Variants in GIGYF2 observed in about 807,000 individuals in gnomAD.
The protein encoded by GIGYF2 is GRB10 interacting GYF protein 2.
Under a neutral mutation model 208.1 loss-of-function variants are expected in GIGYF2, and 25 were observed. The observed-to-expected ratio is 0.12, with a 90% CI of 0.09 to 0.17. GIGYF2 has a LOEUF of 0.17. Among genes scored for constraint, GIGYF2 ranks in the 10% least tolerant of loss-of-function variants. GIGYF2 has a pLI of 1.00. For missense variants in GIGYF2, 1,302 were observed against 1,579.4 expected (o/e 0.82, Z 2.98); for synonymous variants, 534 against 543.8 (o/e 0.98, Z 0.25).
At chr2:232,827,397 C>T (rs1701284908) in intron 21 of GIGYF2, among the ~76,000 whole-genome samples, 1 of 152,170 alleles carries the variant, frequency 6.6e-6, no homozygotes, top group South Asian at 2.1e-4. Flanking sequence ...ACCGTTGAGA[C>T]CATCAGAGCC....
intron 19 of GIGYF2, chr2:232,815,939 A>G (rs1201726382): frequency 5.3e-6 from 3 of 564,724 alleles, no homozygotes; most frequent in African/African-American, 3.8e-5. Flanking sequence ...TTAAATTACT[A>G]TGTTTGGTTT....
At chr2:232,841,062 CTTTA>C (rs917041190) in intron 23 of GIGYF2, among the ~76,000 whole-genome samples, 4 of 149,358 alleles carry the variant, frequency 2.7e-5, no homozygotes, top group African/African-American at 5.0e-5. Context: ...TATTTCCCAC[CTTTA>C]TTTAAGAAAA....
Position 232,819,861 on chromosome 2 carries a change from T to C in GIGYF2, c.2405T>C (p.Ile802Thr). 1 of 1,558,778 alleles carries C rather than the reference T, an allele frequency of 6.4e-7. No individual in the cohort carries two copies. The highest frequency in any genetic ancestry group is 1.1e-5 in the South Asian group (1 of 89,810). Residue 802 changes from isoleucine to threonine, a missense_variant, in exon 21 of 29, where the codon ATT becomes ACT. Coordinates refer to ENST00000373563, the MANE Select transcript of GIGYF2 (RefSeq NM_001103146.3). Reference sequence around the variant, plus strand: ...CTGCGTCGCCAGCGGGAGCAAGAAATTGCATTAAGGCGACAGCGAGAAGAG... The same window carrying C: ...CTGCGTCGCCAGCGGGAGCAAGAAACTGCATTAAGGCGACAGCGAGAAGAG... ...EALRRQREQE[I>T]ALRRQREEEE...
rs757803877 is a variant in GIGYF2 at position 232,850,268 on chromosome 2, G to T, written c.3691G>T (p.Val1231Leu). The T allele has an allele frequency of 2.6e-5, 42 of 1,613,276 alleles. 1 individual carries two copies. In the South Asian group the frequency reaches 4.6e-4, roughly 18 times the overall value. The change falls in exon 28 of 29, where the codon GTG (valine) becomes TTG (leucine). Residue 1231 changes from valine to leucine, a missense_variant. Around this residue, in one of 8 missense-constraint regions of GIGYF2, gnomAD observed 701 missense variants for 793.0 expected, o/e 0.88. Transcript: ENST00000373563. ...CATGCTGCTTATTTCACAGGACTCT[G>T]TGTGGGGGATGAACCACAGTACACT... ...PPQQPQQQDS[V>L]WGMNHSTLHS...
At chr2:232,837,566 T>C (rs1701678573) in intron 22 of GIGYF2, among the ~76,000 whole-genome samples, 1 of 152,146 alleles carries the variant, frequency 6.6e-6, no homozygotes, top group Admixed American at 6.5e-5. Context: ...GCGATCCTCC[T>C]GGCCTCAGCC....
At chr2:232,724,012 G>A (rs1468188474) in intron 2 of GIGYF2, among the ~76,000 whole-genome samples, 2 of 151,512 alleles carry the variant, frequency 1.3e-5, no homozygotes, top group African/African-American at 4.9e-5. Context: ...GGGATTACGG[G>A]TATGAGCCAC....
chr2:232,770,967 T>TG, intron 8 of GIGYF2: 1 of 1,614,084 alleles, frequency 6.2e-7, no homozygotes, highest in Non-Finnish European at 8.5e-7. Flanking sequence ...CGATTGCACT[T>TG]GGACAGTCAC....
intron 2 of GIGYF2, among the ~76,000 whole-genome samples, chr2:232,719,609 TTAAAA>T (rs1045207378): frequency 6.2e-4 from 94 of 152,234 alleles, no homozygotes; most frequent in African/African-American, 2.0e-3. Flanking sequence ...AGATGAATAG[TTAAAA>T]TAAAGAGGAA....
chr2:232,836,407 T>A (rs1169933844), intron 22 of GIGYF2, among the ~76,000 whole-genome samples: 2 of 129,994 alleles, frequency 1.5e-5, no homozygotes, highest in Non-Finnish European at 3.2e-5. Flanking sequence ...TAAATATATA[T>A]ATAAATAAAT....
At chr2:232,757,789 A>T in intron 6 of GIGYF2, among the ~76,000 whole-genome samples, 2 of 126,680 alleles carry the variant, frequency 1.6e-5, no homozygotes, top group East Asian at 2.6e-4. Context: ...CCCCGCCATT[A>T]CTTAATCTAG....
At chr2:232,697,776 T>A (rs1405631499) in intron 1 of GIGYF2, among the ~76,000 whole-genome samples, 1 of 152,114 alleles carries the variant, frequency 6.6e-6, no homozygotes, top group Non-Finnish European at 1.5e-5. Context: ...CGCCTTCCTC[T>A]GCTTGCTTCT....
chr2:232,730,812 G>T (rs868509980), intron 2 of GIGYF2, among the ~76,000 whole-genome samples: 1 of 139,950 alleles, frequency 7.1e-6, no homozygotes, highest in Non-Finnish European at 1.5e-5. Flanking sequence ...GCAGGAGAAT[G>T]GCGTGAACCC....
chr2:232,762,926 A>T (rs1299257783), intron 8 of GIGYF2, among the ~76,000 whole-genome samples: 1 of 151,848 alleles, frequency 6.6e-6, no homozygotes, highest in Non-Finnish European at 1.5e-5. Flanking sequence ...CCATCATGTG[A>T]TGGGAGGATA....
intron 1 of GIGYF2, among the ~76,000 whole-genome samples, chr2:232,701,450 G>T (rs1273266765): frequency 6.8e-6 from 1 of 147,534 alleles, no homozygotes; most frequent in Non-Finnish European, 1.5e-5. Flanking sequence ...CTCCAAAAAA[G>T]ACAGGGTCTT....
chr2:232,760,750 T>A (rs1289837817), intron 7 of GIGYF2, 159 bp downstream of exon 7: 1 of 602,524 alleles, frequency 1.7e-6, no homozygotes, highest in African/African-American at 1.9e-5. Flanking sequence ...AATTTTTAAA[T>A]GATTCTTATT....
At chr2:232,779,672 T>C (rs1699645687) in intron 8 of GIGYF2, among the ~76,000 whole-genome samples, 1 of 152,228 alleles carries the variant, frequency 6.6e-6, no homozygotes. Context: ...TGTAGGGTTG[T>C]GGTACATATT....
chr2:232,766,119 G>A, intron 8 of GIGYF2: 1 of 384,284 alleles, frequency 2.6e-6, no homozygotes, highest in South Asian at 2.0e-5. Context: ...CCTAGAAACT[G>A]TGATTTGAAA....
chr2:232,730,887 G>A (rs1416489300), intron 2 of GIGYF2, among the ~76,000 whole-genome samples: 2 of 99,050 alleles, frequency 2.0e-5, no homozygotes, highest in Non-Finnish European at 3.6e-5. Context: ...GACAGAGCGA[G>A]ACTCCGTCTC....
Position 232,857,204 on chromosome 2 carries a change from G to T in GIGYF2, c.*344G>T. 1.4e-5 allele frequency: 5 copies of T among 368,162 alleles called. No individual in the cohort carries two copies. Among genetic ancestry groups the T allele is most frequent in the East Asian group, 1.2e-4 (2 of 17,080 alleles). 22.8% of individuals were successfully genotyped at this position (368,162 alleles called of 1,614,324 possible). ...TGTTGGGATCGGCCATTAGCAGCTT[G>T]CTTTCTCTTGTCACTTTTTTTCTTC... On this transcript the variant is annotated 3_prime_UTR_variant, in exon 29 of 29. Coordinates refer to ENST00000373563, the MANE Select transcript of GIGYF2 (RefSeq NM_001103146.3).
Sources: allele counts gnomAD v4.1 joint callset (sites outside exome capture counted in the v4.1 genomes callset), GRCh38; gene constraint gnomAD v4.1.1; regional missense constraint gnomAD v4.1.1; transcripts MANE v1.5; gene names NCBI Gene and HGNC (gene_info 2026-07-23, HGNC 2026-07-21).